HSPA12A: variants seen among roughly 807,000 people sequenced by gnomAD.
HSPA12A encodes the protein heat shock protein family A (Hsp70) member 12A.
A neutral mutation model predicts 69.2 loss-of-function variants in HSPA12A; 28 were observed. That is an observed-to-expected ratio of 0.40 (90% CI 0.30 to 0.55). The LOEUF (loss-of-function observed/expected upper bound fraction) is 0.55. Among genes scored for constraint, HSPA12A ranks in the 20% least tolerant of loss-of-function variants. HSPA12A has a pLI of 0.38. For missense variants in HSPA12A, 686 were observed against 900.7 expected (o/e 0.76, Z 3.05); for synonymous variants, 345 against 370.5 (o/e 0.93, Z 0.79).
chr10:116,724,752 CCCTT>C (rs1162431633), intron 1 of HSPA12A, among the ~76,000 whole-genome samples: 4 of 152,214 alleles, frequency 2.6e-5, no homozygotes, highest in Non-Finnish European at 5.9e-5. Context: ...CGCCTCCTGT[CCCTT>C]CCTGTGGCCT....
At chr10:116,776,593 C>T (rs1315052924) in intron 2 of HSPA12A, among the ~76,000 whole-genome samples, 1 of 152,142 alleles carries the variant, frequency 6.6e-6, no homozygotes, top group Non-Finnish European at 1.5e-5. Context: ...CTAATTTGAT[C>T]GTCAAAGTGA....
intron 2 of HSPA12A, among the ~76,000 whole-genome samples, chr10:116,754,821 A>G (rs1038331120): frequency 6.6e-6 from 1 of 152,280 alleles, no homozygotes; most frequent in Non-Finnish European, 1.5e-5. Flanking sequence ...CTATACTTTC[A>G]TACATACATG....
intron 2 of HSPA12A, among the ~76,000 whole-genome samples, chr10:116,751,593 T>C (rs1400948387): frequency 6.6e-6 from 1 of 152,136 alleles, no homozygotes. Context: ...TTTGTAAAAA[T>C]CAACTCTAAG....
chr10:116,834,234 G>A (rs1470799085), intron 2 of HSPA12A, among the ~76,000 whole-genome samples: 1 of 152,180 alleles, frequency 6.6e-6, no homozygotes, highest in East Asian at 1.9e-4. Flanking sequence ...GCAGCCACAA[G>A]AGCCCTAATT....
intron 10 of HSPA12A, among the ~76,000 whole-genome samples, chr10:116,678,409 C>T (rs947614935): frequency 4.5e-5 from 6 of 133,150 alleles, no homozygotes; most frequent in Non-Finnish European, 6.2e-5. Flanking sequence ...ACACCACGGA[C>T]GTGAGATGAG....
intron 1 of HSPA12A, among the ~76,000 whole-genome samples, chr10:116,839,590 G>T (rs944097592): frequency 1.7e-5 from 2 of 120,578 alleles, no homozygotes; most frequent in African/African-American, 6.4e-5. Flanking sequence ...AAAGGACTTC[G>T]TAGATGCCTA....
chr10:116,729,095 A>C (rs1851071793), intron 1 of HSPA12A, among the ~76,000 whole-genome samples: 1 of 152,148 alleles, frequency 6.6e-6, no homozygotes, highest in African/African-American at 2.4e-5. Flanking sequence ...CTCAGCTCTC[A>C]GTTCTAGTGG....
upstream of HSPA12A, among the ~76,000 whole-genome samples, chr10:116,743,210 G>C (rs950917102): frequency 6.6e-6 from 1 of 152,238 alleles, no homozygotes; most frequent in Non-Finnish European, 1.5e-5. Flanking sequence ...CCATATATGG[G>C]ATCCAGCTGG....
intron 2 of HSPA12A, among the ~76,000 whole-genome samples, chr10:116,819,261 C>T (rs1765365734): frequency 6.6e-6 from 1 of 152,312 alleles, no homozygotes; most frequent in Non-Finnish European, 1.5e-5. Context: ...ATCTGGATGG[C>T]TCCACTTCTT....
At chr10:116,684,093 AG>A (rs1240408709) in intron 6 of HSPA12A, 131 bp from the exon 7 acceptor site, 3 of 691,550 alleles carry the variant, frequency 4.3e-6, no homozygotes, top group Non-Finnish European at 6.5e-6. Context: ...TTCTCTACAC[AG>A]TCCTCTGCAG....
chr10:116,717,334 G>A lies in HSPA12A; in HGVS notation c.41-10049C>T, dbSNP rs983657861. On this transcript the variant is annotated intron_variant, in intron 1 of 11. Transcript: ENST00000369209. ...GAATGTAAATCCCCATTTCACAGACGAGCAAATAGCTGGAGGAAGTCAGGA... is the reference window on the plus strand; with the variant it reads ...GAATGTAAATCCCCATTTCACAGACAAGCAAATAGCTGGAGGAAGTCAGGA... Among the ~76,000 whole-genome samples, 9 of 152,122 alleles carry A rather than the reference G, an allele frequency of 5.9e-5. No homozygotes were observed. The South Asian group carries it at 8.3e-4, about 14-fold the overall frequency.
intron 10 of HSPA12A, among the ~76,000 whole-genome samples, chr10:116,676,854 A>G (rs1849252684): frequency 6.6e-6 from 1 of 152,150 alleles, no homozygotes. Context: ...GCACGTTAAA[A>G]GCTCCCTGGC....
At chr10:116,826,945 G>C (rs1426344098) in intron 2 of HSPA12A, among the ~76,000 whole-genome samples, 1 of 152,206 alleles carries the variant, frequency 6.6e-6, no homozygotes, top group Non-Finnish European at 1.5e-5. Flanking sequence ...GGGAAACTGG[G>C]TATTAGAGGA....
intron 2 of HSPA12A, among the ~76,000 whole-genome samples, chr10:116,822,943 G>A (rs1236449254): frequency 1.3e-5 from 2 of 152,208 alleles, no homozygotes; most frequent in African/African-American, 4.8e-5. Flanking sequence ...GCATGGCCTA[G>A]CAGCAGACGA....
chr10:116,770,258 G>C (rs1375948212), intron 2 of HSPA12A, among the ~76,000 whole-genome samples: 1 of 152,166 alleles, frequency 6.6e-6, no homozygotes, highest in Admixed American at 6.5e-5. Flanking sequence ...CAAGAGTTTG[G>C]CTTATGCGGC....
chr10:116,692,587 TC>T, intron 5 of HSPA12A, 120 bp from the exon 6 acceptor site: 1 of 723,528 alleles, frequency 1.4e-6, no homozygotes. Flanking sequence ...AGTTTCAGGG[TC>T]CCCCAAACTT....
exon 1 of HSPA12A, chr10:116,849,578 A>AGGC: frequency 6.5e-7 from 1 of 1,543,684 alleles, no homozygotes; most frequent in Non-Finnish European, 8.7e-7. Flanking sequence ...TGGAGGAAGA[A>AGGC]GGCGGCGGCC....
rs189055579 is a variant in HSPA12A at position 116,805,142 on chromosome 10, C to T, written c.91+29793G>A. ...CCATCCTGGCTAACACTATGAAACC[C>T]TGTCTCTACTAAAAATACAAAAAAT... is the stretch of plus-strand genomic sequence containing the variant. On this transcript the variant is annotated intron_variant, in intron 2 of 12. Coordinates refer to the HSPA12A transcript ENST00000635765. 2.0e-5 allele frequency among the ~76,000 whole-genome samples: 3 copies of T among 152,218 alleles called. No homozygotes were observed. In the East Asian group the frequency reaches 5.8e-4, roughly 30 times the overall value.
In HSPA12A at chr10:116,674,909, T is replaced by C. The variant is rs539747049; in HGVS notation, c.1900A>G (p.Thr634Ala). The stretch of plus-strand genomic sequence containing the variant: ...ATCTCCCTCCGGGCGGGCACCGCAG[T>C]GCCACTGGTCCCTGTGAGATCCAGG... ...LRLDLTGTSG[T>A]AVPARREIQT... is the part of the protein sequence containing the mutation. The change falls in exon 12 of 12, where the codon ACT becomes GCT. Residue 634 changes from threonine to alanine, a missense_variant. Transcript: ENST00000369209. The C allele has an allele frequency of 1.8e-5, 29 of 1,614,026 alleles. No homozygotes were observed. Among genetic ancestry groups the C allele is most frequent in the Non-Finnish European group, 2.4e-5 (28 of 1,180,034 alleles).
Sources: allele counts gnomAD v4.1 joint callset (sites outside exome capture counted in the v4.1 genomes callset), GRCh38; gene constraint gnomAD v4.1.1; transcripts MANE v1.5; gene names NCBI Gene and HGNC (gene_info 2026-07-23, HGNC 2026-07-21).